The following DYSF variants were observed in gnomAD, a reference collection of about 807,000 sequenced individuals.
DYSF encodes the protein dystrophy-associated fer-1-like 1.
DYSF carries 212 observed loss-of-function variants against 274.9 expected under a neutral mutation model. That is an observed-to-expected ratio of 0.77 (90% CI 0.69 to 0.86). The LOEUF is 0.86. Ranked by LOEUF, DYSF falls within the 40% of genes least tolerant of loss-of-function variation. The pLI, the probability that DYSF is intolerant of heterozygous loss-of-function variation, is 0.00. For missense variants in DYSF, 2,666 were observed against 2,783.2 expected (o/e 0.96, Z 0.95); for synonymous variants, 1,091 against 1,078.7 (o/e 1.01, Z -0.22).
At chr2:71,520,251 T>C (rs1275256206) in intron 11 of DYSF, 43 bp downstream of exon 11, 9 of 1,467,478 alleles carry the variant, frequency 6.1e-6, no homozygotes, top group Non-Finnish European at 7.5e-6. Context: ...ATTTTGGTTC[T>C]GGAGGCTGAT....
Position 71,611,595 on chromosome 2 carries a change from A to G in DYSF, c.4190A>G (p.Asn1397Ser), listed in dbSNP as rs1452116855. Residue 1397 changes from asparagine (N) to serine (S), a missense_variant, in exon 38 of 56, where the codon AAC becomes AGC. Physicochemically the swap from Asn to Ser is conservative, Grantham distance 46 (BLOSUM62 1). Transcript: ENST00000410020. Reference sequence around the variant, plus strand: ...ATCAGGAACCTCCGGAAGAACCCCAACTTTGACATCTGCACCCTCTTCATG... The same window carrying G: ...ATCAGGAACCTCCGGAAGAACCCCAGCTTTGACATCTGCACCCTCTTCATG... ...CVIRNLRKNP[N>S]FDICTLFMEV... The G allele has an allele frequency of 9.9e-6, 16 of 1,613,960 alleles. No homozygotes were observed. Among genetic ancestry groups the G allele is most frequent in the African/African-American group, 1.3e-5 (1 of 74,896 alleles).
At chr2:71,663,799 T>C (rs541094029) in intron 45 of DYSF, among the ~76,000 whole-genome samples, 214 of 152,316 alleles carry the variant, frequency 1.4e-3, no homozygotes, top group Middle Eastern at 3.4e-3. Flanking sequence ...CAGTCATCGG[T>C]AAATTCCAAA....
intron 40 of DYSF, among the ~76,000 whole-genome samples, chr2:71,616,487 G>T (rs982426952): frequency 1.8e-4 from 26 of 147,744 alleles, no homozygotes; most frequent in Admixed American, 4.0e-4. Context: ...CATGACAGGT[G>T]GGGGTGGTAG....
intron 42 of DYSF, among the ~76,000 whole-genome samples, chr2:71,652,865 C>T (rs1250450268): frequency 4.6e-5 from 7 of 152,144 alleles, no homozygotes; most frequent in Non-Finnish European, 1.0e-4. Flanking sequence ...TGACACAAGT[C>T]ATGGGAAAGG....
intron 41 of DYSF, among the ~76,000 whole-genome samples, chr2:71,621,669 A>G (rs1290412924): frequency 6.6e-6 from 1 of 151,084 alleles, no homozygotes; most frequent in African/African-American, 2.4e-5. Context: ...TATTATATAT[A>G]TATTTTTTGA....
chr2:71,589,490 CGGAGAGATCTCCTGGCCCT>C (rs1426717271), intron 30 of DYSF, 84 bp from the exon 31 acceptor site: 1 of 907,518 alleles, frequency 1.1e-6, no homozygotes, highest in Non-Finnish European at 1.8e-6. Flanking sequence ...CTTTCGGCAG[CGGAGAGATCTCCTGGCCCT>C]GGGGATCTAA....
upstream of DYSF, among the ~76,000 whole-genome samples, chr2:71,465,851 G>A (rs1238597372): frequency 6.6e-6 from 1 of 152,154 alleles, no homozygotes; most frequent in African/African-American, 2.4e-5. Flanking sequence ...CATAATAAGC[G>A]AAACGACTGT....
In DYSF at chr2:71,528,317, C is replaced by T; in HGVS notation, c.1296C>T (p.Asp432=). The part of the protein sequence containing the change: ...DLPQMDDAVM[D]NVKQIFGFES... ...TCCCAGTGGACGATGCCGTGATGGA[C>T]AACGTGAAACAGATCTTTGGCTTCG... The change falls in exon 14 of 56, where the codon GAC becomes GAT. Residue 432 remains aspartate (D), a synonymous_variant. Coordinates refer to ENST00000410020, the MANE Select transcript of DYSF (RefSeq NM_001130987.2). 1 of 1,614,072 alleles carries T rather than the reference C, an allele frequency of 6.2e-7. No individual in the cohort carries two copies. Among genetic ancestry groups the T allele is most frequent in the Non-Finnish European group, 8.5e-7 (1 of 1,179,986 alleles).
At chr2:71,528,461 C>A in intron 14 of DYSF, 60 bp downstream of exon 14, 3 of 1,428,632 alleles carry the variant, frequency 2.1e-6, no homozygotes, top group Non-Finnish European at 2.9e-6. Context: ...GCCCTGTGGA[C>A]TGTGCCGGGT....
At chr2:71,616,492 T>TG (rs2093887755) in intron 40 of DYSF, among the ~76,000 whole-genome samples, 1 of 149,098 alleles carries the variant, frequency 6.7e-6, no homozygotes, top group African/African-American at 2.5e-5. Context: ...CAGGTGGGGG[T>TG]GGTAGGAGCA....
In DYSF at chr2:71,466,784, C is replaced by T; in HGVS notation, c.-59C>T. ...GGCGCTTGCTGGGTGGGTGCTCGGG[C>T]CCGGTGCTCCCGCTCCCGCCCTGAC... On this transcript the variant is annotated 5_prime_UTR_variant, in exon 1 of 56. Coordinates refer to ENST00000410020, the MANE Select transcript of DYSF (RefSeq NM_001130987.2). 2 of 1,447,986 alleles carry T rather than the reference C, an allele frequency of 1.4e-6. No homozygotes were observed. Among genetic ancestry groups the T allele is most frequent in the African/African-American group, 1.5e-5 (1 of 68,950 alleles). 89.7% of individuals were successfully genotyped at this position (1,447,986 alleles called of 1,614,324 possible).
chr2:71,528,441 A>AAAGTCCCCTCC, intron 14 of DYSF, 40 bp downstream of exon 14: 1 of 1,543,044 alleles, frequency 6.5e-7, no homozygotes, highest in Non-Finnish European at 8.9e-7. Flanking sequence ...TCGGGAGGGG[A>AAAGTCCCCTCC]CTTTCTGGTG....
At chr2:71,469,608 C>T (rs1398616864) in intron 1 of DYSF, among the ~76,000 whole-genome samples, 2 of 152,134 alleles carry the variant, frequency 1.3e-5, no homozygotes, top group Non-Finnish European at 2.9e-5. Context: ...TTCCCTGTCT[C>T]GGATGTAATT....
chr2:71,656,129 C>T, intron 42 of DYSF, 33 bp from the exon 43 acceptor site: 3 of 1,613,840 alleles, frequency 1.9e-6, no homozygotes, highest in Non-Finnish European at 2.5e-6. Flanking sequence ...CTTTCTGTCT[C>T]TTGTCCCCTC....
chr2:71,580,058 C>A (rs138332195), intron 30 of DYSF, among the ~76,000 whole-genome samples: 5 of 152,380 alleles, frequency 3.3e-5, no homozygotes, highest in Non-Finnish European at 7.3e-5. Flanking sequence ...CTGGCGCTTT[C>A]ATTCCCCCAC....
At chr2:71,578,736 C>A (rs1207082783) in intron 30 of DYSF, among the ~76,000 whole-genome samples, 1 of 152,156 alleles carries the variant, frequency 6.6e-6, no homozygotes, top group Non-Finnish European at 1.5e-5. Context: ...GCCACCTTTT[C>A]CCTGACCCAA....
At chr2:71,561,980 C>A in intron 23 of DYSF, 36 bp downstream of exon 23, 1 of 1,599,212 alleles carries the variant, frequency 6.3e-7, no homozygotes, top group South Asian at 1.1e-5. Flanking sequence ...TTCTTCTGCT[C>A]TCCTGCTGCC....
intron 1 of DYSF, among the ~76,000 whole-genome samples, chr2:71,459,392 A>G (rs1160958630): frequency 6.6e-6 from 1 of 152,196 alleles, no homozygotes; most frequent in African/African-American, 2.4e-5. Context: ...GCCACAAATA[A>G]GTAGTGACAG....
At chr2:71,566,920 C>A (rs1322543589) in intron 24 of DYSF, among the ~76,000 whole-genome samples, 1 of 152,198 alleles carries the variant, frequency 6.6e-6, no homozygotes, top group East Asian at 1.9e-4. Flanking sequence ...CTGGGCTCTC[C>A]CTCCAGGGAT....
Sources: gnomAD v4.1 joint callset for allele counts (sites outside exome capture counted in the v4.1 genomes callset) on GRCh38, gnomAD v4.1.1 for gene constraint, MANE v1.5 for transcripts, NCBI Gene and HGNC (gene_info 2026-07-23, HGNC 2026-07-21) for gene names.